The following C11orf87 variants were observed in gnomAD, a reference collection of about 807,000 sequenced individuals.
C11orf87 encodes uncharacterized protein C11orf87.
Under a neutral mutation model 9.2 loss-of-function variants are expected in C11orf87, and 3 were observed. The ratio of observed to expected loss-of-function variants is 0.33; its 90% CI spans 0.15 to 0.84. The LOEUF (loss-of-function observed/expected upper bound fraction) is 0.84, where lower values mean the gene tolerates loss of function less well. Ranked by LOEUF, C11orf87 falls within the 40% of genes least tolerant of loss-of-function variation. The pLI is 0.55. For missense variants in C11orf87, 256 were observed against 270.7 expected, an observed-to-expected ratio of 0.95 and a Z score of 0.38; for synonymous variants, 124 against 124.6, an observed-to-expected ratio of 1.00 and a Z score of 0.03.
At chr11:109,422,434 C>T (rs890202438) in intron 1 of C11orf87, among the ~76,000 whole-genome samples, 171 bp downstream of exon 1, 3 of 152,248 alleles carry the variant, frequency 2.0e-5, no homozygotes, top group African/African-American at 7.2e-5. Context: ...CCTCGCTACT[C>T]CGCAGTGCAA....
rs1418289878 is a variant in C11orf87, at chr11:109,424,109, A to G, written c.476A>G (p.Gln159Arg). 6.2e-7 allele frequency: 1 copy of G among 1,613,798 alleles called. No individual in the cohort carries two copies. Among genetic ancestry groups the G allele is most frequent in the Non-Finnish European group, 8.5e-7 (1 of 1,179,984 alleles). The change falls in exon 2 of 2, where the codon CAG becomes CGG. Residue 159 changes from glutamine to arginine, a missense_variant. By Grantham distance (43) the Gln-to-Arg change is conservative. Coordinates refer to ENST00000327419, the MANE Select transcript of C11orf87 (RefSeq NM_207645.4). The surrounding 1 kb of genome is among the most constrained non-coding windows in gnomAD (Gnocchi z 4.7). The stretch of plus-strand genomic sequence containing the variant: ...TCTTCGTCCCCTGGCCTCCCGTGCC[A>G]GGGTCCCTGTGCTCCTCCGCCTCCA... The part of the protein sequence containing the change: ...LSSSSPGLPC[Q>R]GPCAPPPPPP...
rs1350572237 is a variant in C11orf87, at chr11:109,423,572, G to T, written c.-62G>T. The T allele has an allele frequency of 1.4e-6, 2 of 1,475,690 alleles. No individual in the cohort carries two copies. The highest frequency in any genetic ancestry group is 2.4e-5 in the East Asian group (1 of 41,034). The allele number at this position is 1,475,690 out of a possible 1,614,324, so 91.4% of individuals were successfully genotyped here. On this transcript the variant is annotated 5_prime_UTR_variant, in exon 2 of 2. Coordinates refer to ENST00000327419, the MANE Select transcript of C11orf87 (RefSeq NM_207645.4). This position sits in a 1 kb window ranked among gnomAD's most constrained non-coding sequence, Gnocchi z 5.3. ...GTGGGCTCCGTCCTCTTCTTGGCTGGTAGGAACGGTGTGCCCAAGAGGGGA... is the reference window on the plus strand; with the variant it reads ...GTGGGCTCCGTCCTCTTCTTGGCTGTTAGGAACGGTGTGCCCAAGAGGGGA...
chr11:109,422,268 G>C lies in C11orf87; in HGVS notation c.-260+5G>C, dbSNP rs1257638672. ...TGCAGCCAGCCGGCGGTCCAGGTAA[G>C]AGACAAGGTGTGAGTAAAGGCTTCT... On this transcript the variant is annotated splice_donor_5th_base_variant and intron_variant, in intron 1 of 1. Transcript: ENST00000327419. 1 of 188,366 alleles carries C rather than the reference G, an allele frequency of 5.3e-6. No homozygotes were observed. Among genetic ancestry groups the C allele is most frequent in the East Asian group, 1.8e-4 (1 of 5,494 alleles). The allele number at this position is 188,366 out of a possible 1,614,324, so 11.7% of individuals were successfully genotyped here. A position where few individuals can be genotyped will look rare whatever the true frequency, so the allele number is the denominator to read the frequency against.
rs868353532 is a variant in C11orf87 at position 109,425,978 on chromosome 11, G to A, written c.*1751G>A. The A allele has an allele frequency of 1.3e-5, 2 of 151,936 alleles. No homozygotes were observed. The highest frequency in any genetic ancestry group is 2.4e-5 in the African/African-American group (1 of 41,376). 9.4% of individuals were successfully genotyped at this position (151,936 alleles called of 1,614,324 possible). On this transcript the variant is annotated 3_prime_UTR_variant, in exon 2 of 2. Transcript: ENST00000327419. The stretch of plus-strand genomic sequence containing the variant: ...ACTTCACTGAACATACAAAAATACT[G>A]AGAAAAAAAGAAAGTGAGAAAATAA...
At position 109,426,628 on chromosome 11, in the gene C11orf87, C is replaced by T. The variant is rs369901955; in HGVS notation, c.*2401C>T. ...ATAGGTAAAAGAGTGCATTAACTCC[C>T]TCAGGCCACTAGGGAATCCTGTAGT... On this transcript the variant is annotated 3_prime_UTR_variant, in exon 2 of 2. Coordinates refer to ENST00000327419, the MANE Select transcript of C11orf87 (RefSeq NM_207645.4). The T allele has an allele frequency of 4.6e-5, 7 of 152,284 alleles. No individual in the cohort carries two copies. The South Asian group carries it at 1.5e-3, about 32-fold the overall frequency. The allele number at this position is 152,284 out of a possible 1,614,324, so 9.4% of individuals were successfully genotyped here. A position where few individuals can be genotyped will look rare whatever the true frequency, so the allele number is the denominator to read the frequency against.
chr11:109,424,787 A>C lies in C11orf87; in HGVS notation c.*560A>C, dbSNP rs891931736. The C allele has an allele frequency of 6.0e-6, 1 of 167,082 alleles. No homozygotes were observed. The highest frequency in any genetic ancestry group is 1.5e-5 in the Non-Finnish European group (1 of 68,182). 10.3% of individuals were successfully genotyped at this position (167,082 alleles called of 1,614,324 possible). ...AGCCGGGCTCAGGCAATAGTATATT[A>C]TAAAGAAAATGTCTACATTAAGCAC... is the stretch of plus-strand genomic sequence containing the variant. On this transcript the variant is annotated 3_prime_UTR_variant, in exon 2 of 2. Coordinates refer to ENST00000327419, the MANE Select transcript of C11orf87 (RefSeq NM_207645.4). This position sits in a 1 kb window ranked among gnomAD's most constrained non-coding sequence, Gnocchi z 4.7.
Position 109,423,679 on chromosome 11 carries a change from T to C in C11orf87, c.46T>C (p.Cys16Arg). The C allele has an allele frequency of 1.2e-6, 2 of 1,609,990 alleles. No homozygotes were observed. The highest frequency in any genetic ancestry group is 4.5e-5 in the East Asian group (2 of 44,850). ...GGAGCTGAGGCTGGCGTTGCCGCCG[T>C]GTCTCCTCAACCGGACCTTTGCTTC... Reference protein sequence around the residue: ...PKELRLALPPCLLNRTFASPN... With the variant: ...PKELRLALPPRLLNRTFASPN... The change falls in exon 2 of 2, where the codon TGT (cysteine) becomes CGT (arginine). Residue 16 changes from cysteine to arginine, a missense_variant. Physicochemically the swap from Cys to Arg is radical, Grantham distance 180. Coordinates refer to ENST00000327419, the MANE Select transcript of C11orf87 (RefSeq NM_207645.4). The surrounding 1 kb of genome is among the most constrained non-coding windows in gnomAD (Gnocchi z 5.3).
At chr11:109,422,816 G>T (rs1014116126) in intron 1 of C11orf87, among the ~76,000 whole-genome samples, 1 of 148,014 alleles carries the variant, frequency 6.8e-6, no homozygotes, top group Non-Finnish European at 1.5e-5. Context: ...CGTCAGCCGC[G>T]GTCGCGGACA....
At chr11:109,422,551 G>A (rs913730927) in intron 1 of C11orf87, among the ~76,000 whole-genome samples, 20 of 152,244 alleles carry the variant, frequency 1.3e-4, no homozygotes, top group African/African-American at 4.1e-4. Context: ...GCTGGGTCTG[G>A]GAAGGACAGA....
Position 109,426,363 on chromosome 11 carries a change from A to G in C11orf87, c.*2136A>G, listed in dbSNP as rs1000180961. 3.9e-5 allele frequency: 6 copies of G among 152,234 alleles called. 1 individual carries two copies. The South Asian group carries it at 6.2e-4, about 16-fold the overall frequency. 9.4% of individuals were successfully genotyped at this position (152,234 alleles called of 1,614,324 possible). Reference sequence around the variant, plus strand: ...ATATGTGCTCTTATCCAGAGGAAACATTACCTCTAATATTTTTGGTCATCT... The same window carrying G: ...ATATGTGCTCTTATCCAGAGGAAACGTTACCTCTAATATTTTTGGTCATCT... On this transcript the variant is annotated 3_prime_UTR_variant, in exon 2 of 2. Transcript: ENST00000327419.
intron 1 of C11orf87, among the ~76,000 whole-genome samples, chr11:109,422,723 T>C (rs1351607974): frequency 1.2e-5 from 1 of 84,072 alleles, no homozygotes; most frequent in African/African-American, 5.7e-5. Flanking sequence ...CTTCAGCTGC[T>C]TTTTTTTTTT....
chr11:109,423,872 C>T lies in C11orf87; in HGVS notation c.239C>T (p.Ser80Phe), dbSNP rs1237174441. Reference sequence around the variant, plus strand: ...TTCTGCCTCATCGTGCTGTCCCTCTCCACTTTCCACATCCACAAGCGTAGG... The same window carrying T: ...TTCTGCCTCATCGTGCTGTCCCTCTTCACTTTCCACATCCACAAGCGTAGG... Reference protein sequence around the residue: ...LIFCLIVLSLSTFHIHKRRMK... With the variant: ...LIFCLIVLSLFTFHIHKRRMK... The change falls in exon 2 of 2, where the codon TCC (serine) becomes TTC (phenylalanine). Residue 80 changes from serine (S) to phenylalanine (F), a missense_variant. Ser to Phe is a radical substitution (Grantham distance 155). Coordinates refer to ENST00000327419, the MANE Select transcript of C11orf87 (RefSeq NM_207645.4). This position sits in a 1 kb window ranked among gnomAD's most constrained non-coding sequence, Gnocchi z 5.3. 8 of 1,614,138 alleles carry T rather than the reference C, an allele frequency of 5.0e-6. No homozygotes were observed. The highest frequency in any genetic ancestry group is 6.8e-6 in the Non-Finnish European group (8 of 1,179,968).
In C11orf87 at chr11:109,424,343, C is replaced by T; in HGVS notation, c.*116C>T. 2 of 772,024 alleles carry T rather than the reference C, an allele frequency of 2.6e-6. No homozygotes were observed. Among genetic ancestry groups the T allele is most frequent in the Non-Finnish European group, 2.1e-6 (1 of 468,158 alleles). 47.8% of individuals were successfully genotyped at this position (772,024 alleles called of 1,614,324 possible). A position where few individuals can be genotyped will look rare whatever the true frequency, so the allele number is the denominator to read the frequency against. Reference sequence around the variant, plus strand: ...GGCCCCTCTTTCCTCTTCCTGGTTTCCTTACCTGCCCTCCCCTTACTCTTG... The same window carrying T: ...GGCCCCTCTTTCCTCTTCCTGGTTTTCTTACCTGCCCTCCCCTTACTCTTG... On this transcript the variant is annotated 3_prime_UTR_variant, in exon 2 of 2. Coordinates refer to ENST00000327419, the MANE Select transcript of C11orf87 (RefSeq NM_207645.4). The surrounding 1 kb of genome is among the most constrained non-coding windows in gnomAD (Gnocchi z 4.7).
rs1042924521 is a variant in C11orf87, at chr11:109,427,282, A to G, written c.*3055A>G. On this transcript the variant is annotated 3_prime_UTR_variant, in exon 2 of 2. Transcript: ENST00000327419. Reference sequence around the variant, plus strand: ...ATATTTTTAATAGTGCTCTGTGTAAAGATGATGCAGTTTGTGAGTCAGATT... The same window carrying G: ...ATATTTTTAATAGTGCTCTGTGTAAGGATGATGCAGTTTGTGAGTCAGATT... The G allele has an allele frequency of 2.6e-5, 4 of 152,182 alleles. No individual in the cohort carries two copies. Among genetic ancestry groups the G allele is most frequent in the Non-Finnish European group, 5.9e-5 (4 of 68,020 alleles). The allele number at this position is 152,182 out of a possible 1,614,324, so 9.4% of individuals were successfully genotyped here. A position where few individuals can be genotyped will look rare whatever the true frequency, so the allele number is the denominator to read the frequency against.
Position 109,424,005 on chromosome 11 carries a change from C to A in C11orf87, c.372C>A (p.Thr124=). 6.2e-7 allele frequency: 1 copy of A among 1,614,020 alleles called. No homozygotes were observed. The highest frequency in any genetic ancestry group is 8.5e-7 in the Non-Finnish European group (1 of 1,179,966). The change falls in exon 2 of 2, where the codon ACC becomes ACA. Residue 124 remains threonine (T), a synonymous_variant. Coordinates refer to ENST00000327419, the MANE Select transcript of C11orf87 (RefSeq NM_207645.4). This position sits in a 1 kb window ranked among gnomAD's most constrained non-coding sequence, Gnocchi z 4.7. ...GLPRPGRQAP[T]HAKETRLERQ... is the part of the protein sequence containing the mutation. ...CCCGACCTGGCAGGCAGGCCCCAAC[C>A]CACGCAAAGGAAACCCGGCTGGAGA...
At position 109,425,871 on chromosome 11, in the gene C11orf87, A is replaced by C. The variant is rs1210741854; in HGVS notation, c.*1644A>C. On this transcript the variant is annotated 3_prime_UTR_variant, in exon 2 of 2. Coordinates refer to ENST00000327419, the MANE Select transcript of C11orf87 (RefSeq NM_207645.4). ...GCTAGATCCAGTAATTACTTATAGG[A>C]TACAAATGTTTGCAGCTTGTTTGTT... The C allele has an allele frequency of 1.3e-5, 2 of 152,262 alleles. No individual in the cohort carries two copies. The highest frequency in any genetic ancestry group is 2.9e-5 in the Non-Finnish European group (2 of 68,040). The allele number at this position is 152,262 out of a possible 1,614,324, so 9.4% of individuals were successfully genotyped here.
In C11orf87 at chr11:109,423,726, C is replaced by T; in HGVS notation, c.93C>T (p.Gly31=). 1 of 1,613,706 alleles carries T rather than the reference C, an allele frequency of 6.2e-7. No homozygotes were observed. Among genetic ancestry groups the T allele is most frequent in the Non-Finnish European group, 8.5e-7 (1 of 1,179,884 alleles). ...CTTCCCCCAACGCCAGCGGCAGCGG[C>T]AACACGGGTGCCCGCGGCCCAGGCG... ...TFASPNASGS[G]NTGARGPGAV... is the part of the protein sequence containing the mutation. Residue 31 remains glycine, a synonymous_variant, in exon 2 of 2, where the codon GGC becomes GGT. Coordinates refer to ENST00000327419, the MANE Select transcript of C11orf87 (RefSeq NM_207645.4). The surrounding 1 kb of genome is among the most constrained non-coding windows in gnomAD (Gnocchi z 5.3).
chr11:109,424,422 T>C lies in C11orf87; in HGVS notation c.*195T>C. On this transcript the variant is annotated 3_prime_UTR_variant, in exon 2 of 2. Transcript: ENST00000327419. This position sits in a 1 kb window ranked among gnomAD's most constrained non-coding sequence, Gnocchi z 4.7. ...ATTTGTAAATATTGGGCGAGGAAAGTCTCGGAAGAAGAAATAACGCTGATA... is the reference window on the plus strand; with the variant it reads ...ATTTGTAAATATTGGGCGAGGAAAGCCTCGGAAGAAGAAATAACGCTGATA... 1.9e-6 allele frequency: 1 copy of C among 530,992 alleles called. No individual in the cohort carries two copies. Among genetic ancestry groups the C allele is most frequent in the Non-Finnish European group, 3.4e-6 (1 of 296,028 alleles). 32.9% of individuals were successfully genotyped at this position (530,992 alleles called of 1,614,324 possible). A position where few individuals can be genotyped will look rare whatever the true frequency, so the allele number is the denominator to read the frequency against.
rs1366682964 is a variant in C11orf87 at position 109,424,382 on chromosome 11, G to A, written c.*155G>A. The A allele has an allele frequency of 3.2e-6, 2 of 634,902 alleles. No individual in the cohort carries two copies. Among genetic ancestry groups the A allele is most frequent in the East Asian group, 2.8e-5 (1 of 35,994 alleles). The allele number at this position is 634,902 out of a possible 1,614,324, so 39.3% of individuals were successfully genotyped here. ...CCCTTACTCTTGTTTCTCCTCCGCCGAGGCACTGTGCGGTATTTGTAAATA... is the reference window on the plus strand; with the variant it reads ...CCCTTACTCTTGTTTCTCCTCCGCCAAGGCACTGTGCGGTATTTGTAAATA... On this transcript the variant is annotated 3_prime_UTR_variant, in exon 2 of 2. Transcript: ENST00000327419. This position sits in a 1 kb window ranked among gnomAD's most constrained non-coding sequence, Gnocchi z 4.7.
Sources: gnomAD v4.1 joint callset for allele counts (sites outside exome capture counted in the v4.1 genomes callset) on GRCh38, gnomAD v4.1.1 for gene constraint, Gnocchi (gnomAD v3.1) non-coding constraint, MANE v1.5 for transcripts, NCBI Gene and HGNC (gene_info 2026-07-23, HGNC 2026-07-21) for gene names.